IL22: variants seen among roughly 807,000 people sequenced by gnomAD.
The protein encoded by IL22 is interleukin 22.
In IL22, 15 loss-of-function variants were observed where a neutral mutation model predicts 15.5. The observed-to-expected ratio is 0.97, with a 90% CI of 0.65 to 1.49. The LOEUF is 1.49. Among genes scored for constraint, IL22 ranks in the 40% most tolerant of loss-of-function variants. The pLI is 0.00. For synonymous variants in IL22, 91 were observed against 82.0 expected (o/e 1.11, Z -0.60); for missense variants, 225 against 215.4 (o/e 1.04, Z -0.28).
Position 68,252,490 on chromosome 12 carries a change from A to G in IL22, c.396+14T>C, listed in dbSNP as rs774136883. ...AGGAGGGGTAGGTGGGCATAGGCTG[A>G]GAGCTGAACTTACACATGTGCTTAG... On this transcript the variant is annotated intron_variant, in intron 4 of 5. Transcript: ENST00000538666. The G allele has an allele frequency of 9.3e-6, 15 of 1,613,096 alleles. No homozygotes were observed. Among genetic ancestry groups the G allele is most frequent in the Non-Finnish European group, 1.3e-5 (15 of 1,179,744 alleles).
chr12:68,252,719 A>G (rs748926837), intron 3 of IL22, 45 bp downstream of exon 3: 3 of 1,611,508 alleles, frequency 1.9e-6, no homozygotes, highest in Non-Finnish European at 2.5e-6. Context: ...CACCCCAAGT[A>G]CCCATGGACG....
chr12:68,251,879 C>T (rs1003194711), intron 4 of IL22, among the ~76,000 whole-genome samples: 6 of 152,144 alleles, frequency 3.9e-5, no homozygotes, highest in Admixed American at 1.3e-4. Flanking sequence ...AAACCTCAAT[C>T]GTATCTCCAG....
At chr12:68,253,236 G>A (rs756933995) in intron 2 of IL22, 27 bp downstream of exon 2, 4 of 1,581,182 alleles carry the variant, frequency 2.5e-6, no homozygotes, top group Admixed American at 1.8e-5. Flanking sequence ...TAGATCCAAC[G>A]AGAAAGAGCA....
At chr12:68,248,939 T>C in intron 5 of IL22, 63 bp from the exon 6 acceptor site, 1 of 1,343,432 alleles carries the variant, frequency 7.4e-7, no homozygotes, top group South Asian at 1.2e-5. Context: ...AGTGAACAAA[T>C]TAGAAATTGC....
In IL22 at chr12:68,252,506, A is replaced by T; in HGVS notation, c.394T>A (p.Cys132Ser). 3 of 1,613,738 alleles carry T rather than the reference A, an allele frequency of 1.9e-6. No individual in the cohort carries two copies. The highest frequency in any genetic ancestry group is 1.7e-6 in the Non-Finnish European group (2 of 1,179,904). The change falls in exon 4 of 6, where the codon TGT (cysteine) becomes AGT (serine). Residue 132 changes from cysteine to serine, a missense_variant and splice_region_variant. Physicochemically the swap from Cys to Ser is moderately radical, Grantham distance 112 (BLOSUM62 -1). Coordinates refer to ENST00000538666, the MANE Select transcript of IL22 (RefSeq NM_020525.5). Reference protein sequence around the residue: ...LARLSNRLSTCHIEGDDLHIQ... With the variant: ...LARLSNRLSTSHIEGDDLHIQ... Reference sequence around the variant, plus strand: ...CATAGGCTGAGAGCTGAACTTACACATGTGCTTAGCCTGTTGCTGAGCCTG... The same window carrying T: ...CATAGGCTGAGAGCTGAACTTACACTTGTGCTTAGCCTGTTGCTGAGCCTG...
Position 68,248,755 on chromosome 12 carries a change from G to T in IL22, c.*44C>A. The stretch of plus-strand genomic sequence containing the variant: ...TTGGGGCATCTAATTGTTATTTCTA[G>T]CAGGGAAAGGGGGTTAGTTATTCAT... On this transcript the variant is annotated 3_prime_UTR_variant, in exon 6 of 6. Coordinates refer to ENST00000538666, the MANE Select transcript of IL22 (RefSeq NM_020525.5). The T allele has an allele frequency of 6.7e-7, 1 of 1,482,556 alleles. No homozygotes were observed. The highest frequency in any genetic ancestry group is 9.3e-7 in the Non-Finnish European group (1 of 1,071,206). The allele number at this position is 1,482,556 out of a possible 1,614,324, so 91.8% of individuals were successfully genotyped here. A position where few individuals can be genotyped will look rare whatever the true frequency, so the allele number is the denominator to read the frequency against.
chr12:68,248,686 T>C lies in IL22; in HGVS notation c.*113A>G. On this transcript the variant is annotated 3_prime_UTR_variant, in exon 6 of 6. Transcript: ENST00000538666. ...TTCATTTGGAATCCACCCATCATGA[T>C]GGAGTTTGGCTTCCCATCTTCCTTT... 1 of 768,576 alleles carries C rather than the reference T, an allele frequency of 1.3e-6. No homozygotes were observed. The highest frequency in any genetic ancestry group is 1.7e-5 in the South Asian group (1 of 59,282). The allele number at this position is 768,576 out of a possible 1,614,324, so 47.6% of individuals were successfully genotyped here. A position where few individuals can be genotyped will look rare whatever the true frequency, so the allele number is the denominator to read the frequency against.
intron 5 of IL22, among the ~76,000 whole-genome samples, chr12:68,250,007 C>T (rs185218787): frequency 2.6e-4 from 39 of 152,278 alleles, no homozygotes; most frequent in Admixed American, 6.5e-4. Context: ...TTACCCCCAA[C>T]GAGAGGGAAT....
chr12:68,248,963 T>G, intron 5 of IL22, 87 bp from the exon 6 acceptor site: 1 of 1,040,074 alleles, frequency 9.6e-7, no homozygotes, highest in African/African-American at 1.6e-5. Flanking sequence ...ATTAGGTTGA[T>G]GGAGACAGAA....
At position 68,252,900 on chromosome 12, in the gene IL22, G is replaced by A. The variant is rs536654235; in HGVS notation, c.187-71C>T. On this transcript the variant is annotated intron_variant, in intron 2 of 5. Coordinates refer to ENST00000538666, the MANE Select transcript of IL22 (RefSeq NM_020525.5). ...AAAAAAAATTTATACATAGACATGT[G>A]CCCCATCCCGTCTCCCCAGAGCAAC... The A allele has an allele frequency of 1.7e-5, 20 of 1,157,252 alleles. 1 individual carries two copies. The highest frequency in any genetic ancestry group is 7.4e-5 in the South Asian group (6 of 80,688). 71.7% of individuals were successfully genotyped at this position (1,157,252 alleles called of 1,614,324 possible).
rs1397852121 is a variant in IL22 at position 68,251,579 on chromosome 12, C to T, written c.397-1G>A. The T allele has an allele frequency of 2.5e-6, 4 of 1,607,250 alleles. No homozygotes were observed. Among genetic ancestry groups the T allele is most frequent in the Non-Finnish European group, 3.4e-6 (4 of 1,173,878 alleles). ...TATGCAGGTCATCACCTTCAATATGCTATAAAACAATAACAAGCATAACTA... is the reference window on the plus strand; with the variant it reads ...TATGCAGGTCATCACCTTCAATATGTTATAAAACAATAACAAGCATAACTA... On this transcript the variant is annotated splice_acceptor_variant, in intron 4 of 5. Coordinates refer to ENST00000538666, the MANE Select transcript of IL22 (RefSeq NM_020525.5). LOFTEE classifies it high-confidence loss of function.
Position 68,253,359 on chromosome 12 carries a change from T to C in IL22, c.90A>G (p.Gly30=). Residue 30 remains glycine (G), a synonymous_variant, in exon 2 of 6, where the codon GGA becomes GGG. Coordinates refer to ENST00000538666, the MANE Select transcript of IL22 (RefSeq NM_020525.5). Reference sequence around the variant, plus strand: ...GGGAGCTGATGGGCGCAGCTGCTCCTCCCTGTACCAAGAGGGCCAAGAGAA... The same window carrying C: ...GGGAGCTGATGGGCGCAGCTGCTCCCCCCTGTACCAAGAGGGCCAAGAGAA... The part of the protein sequence containing the change: ...CLLLLALLVQ[G]GAAAPISSHC... 1 of 1,613,644 alleles carries C rather than the reference T, an allele frequency of 6.2e-7. No homozygotes were observed. The highest frequency in any genetic ancestry group is 8.5e-7 in the Non-Finnish European group (1 of 1,179,730).
At chr12:68,252,729 G>C (rs182657603) in intron 3 of IL22, 35 bp downstream of exon 3, 1 of 1,611,650 alleles carries the variant, frequency 6.2e-7, no homozygotes, top group Non-Finnish European at 8.5e-7. Flanking sequence ...ACCCATGGAC[G>C]GCACACGGCC....
chr12:68,250,566 T>C (rs1460863052), intron 5 of IL22, among the ~76,000 whole-genome samples: 1 of 152,242 alleles, frequency 6.6e-6, no homozygotes, highest in Non-Finnish European at 1.5e-5. Flanking sequence ...TATTTAGTTG[T>C]ACCTGCTTGC....
At chr12:68,249,747 T>A (rs890139499) in intron 5 of IL22, among the ~76,000 whole-genome samples, 3 of 152,344 alleles carry the variant, frequency 2.0e-5, no homozygotes, top group African/African-American at 7.2e-5. Flanking sequence ...AAGCATTCCC[T>A]ACTGAAATTC....
At chr12:68,252,389 A>G in intron 4 of IL22, 115 bp downstream of exon 4, 1 of 1,041,940 alleles carries the variant, frequency 9.6e-7, no homozygotes, top group Non-Finnish European at 1.4e-6. Context: ...TGCTGCCAAG[A>G]CACTTCTTCC....
Position 68,252,811 on chromosome 12 carries a change from T to G in IL22, c.205A>C (p.Asn69His), listed in dbSNP as rs779980505. The G allele has an allele frequency of 3.7e-6, 6 of 1,613,890 alleles. No individual in the cohort carries two copies. In the South Asian group the frequency reaches 6.6e-5, roughly 18 times the overall value. The change falls in exon 3 of 6, where the codon AAC becomes CAC. Residue 69 changes from asparagine (N) to histidine (H), a missense_variant. Asn to His is a moderately conservative substitution (Grantham distance 68). Coordinates refer to ENST00000538666, the MANE Select transcript of IL22 (RefSeq NM_020525.5). ...TCCCCAATGAGACGAACGTCTGTGT[T>G]GTTATCAGCCAAGCTAGCCTGGAAG... ...LAKEASLADN[N>H]TDVRLIGEKL...
chr12:68,253,556 T>C (rs148141333), intron 1 of IL22, 27 bp downstream of exon 1: 1 of 840,022 alleles, frequency 1.2e-6, no homozygotes, highest in Non-Finnish European at 1.8e-6. Context: ...AACTAACCAA[T>C]TGTACCAAGT....
chr12:68,250,523 A>C (rs528494555), intron 5 of IL22, among the ~76,000 whole-genome samples: 1 of 152,210 alleles, frequency 6.6e-6, no homozygotes, highest in African/African-American at 2.4e-5. Flanking sequence ...TGTTACTGAA[A>C]ATTCCATCAA....
Sources: gnomAD v4.1 joint callset for allele counts (sites outside exome capture counted in the v4.1 genomes callset) on GRCh38, gnomAD v4.1.1 for gene constraint, MANE v1.5 for transcripts, NCBI Gene and HGNC (gene_info 2026-07-23, HGNC 2026-07-21) for gene names.